Variants in GATAD2B observed in about 807,000 individuals in gnomAD.
GATAD2B encodes GATA zinc finger domain containing 2B, also known as transcriptional repressor p66-beta.
In GATAD2B, 8 loss-of-function variants were observed where a neutral mutation model predicts 64.3. The observed-to-expected ratio is 0.12, with a 90% CI of 0.07 to 0.22. GATAD2B has a LOEUF of 0.22. GATAD2B is among the 10% of genes least tolerant of loss of function. The pLI is 1.00. For synonymous variants in GATAD2B, 281 were observed against 271.3 expected (o/e 1.04, Z -0.35); for missense variants, 453 against 752.0 (o/e 0.60, Z 4.65).
At chr1:153,903,104 G>T (rs1367849126) in intron 1 of GATAD2B, among the ~76,000 whole-genome samples, 1 of 152,012 alleles carries the variant, frequency 6.6e-6, no homozygotes, top group East Asian at 1.9e-4. Flanking sequence ...TGTGGTCCCA[G>T]CTACTCGGGA....
At position 153,808,849 on chromosome 1, in the gene GATAD2B, C is replaced by CG. The variant is rs1674190448; in HGVS notation, c.*1327dup. 1.5e-5 allele frequency: 2 copies of CG among 133,298 alleles called. No individual in the cohort carries two copies. Among genetic ancestry groups the CG allele is most frequent in the East Asian group, 2.5e-4 (1 of 4,006 alleles). The allele number at this position is 133,298 out of a possible 1,614,324, so 8.3% of individuals were successfully genotyped here. A position where few individuals can be genotyped will look rare whatever the true frequency, so the allele number is the denominator to read the frequency against. On this transcript the variant is annotated 3_prime_UTR_variant, in exon 11 of 11. Coordinates refer to ENST00000368655, the MANE Select transcript of GATAD2B (RefSeq NM_020699.4). ...AAATTAATATCATTCTGGGGGCGGG[C>CG]GGGGGGCAGTGGGAAGCAACTATTT...
chr1:153,843,419 A>G (rs986692852), intron 1 of GATAD2B, among the ~76,000 whole-genome samples: 4 of 151,816 alleles, frequency 2.6e-5, no homozygotes, highest in African/African-American at 7.3e-5. Flanking sequence ...CTCAGCCACT[A>G]GAGGAGAAGC....
At chr1:153,854,199 G>A (rs1428014831) in intron 1 of GATAD2B, among the ~76,000 whole-genome samples, 1 of 152,072 alleles carries the variant, frequency 6.6e-6, no homozygotes, top group African/African-American at 2.4e-5. Context: ...TCAGGAGATC[G>A]AGACCGTCCT....
At position 153,810,291 on chromosome 1, in the gene GATAD2B, C is replaced by T; in HGVS notation, c.1668G>A (p.Leu556=). Residue 556 remains leucine, a synonymous_variant, in exon 11 of 11, where the codon TTG becomes TTA. Coordinates refer to ENST00000368655, the MANE Select transcript of GATAD2B (RefSeq NM_020699.4). ...LGMPGVNIAY[L]NTGIGGHKGP... ...CTTTGTGTCCTCCGATGCCAGTATT[C>T]AAGTATGCAATGTTGACACCTGGAC... is the stretch of plus-strand genomic sequence containing the variant. 1 of 1,613,044 alleles carries T rather than the reference C, an allele frequency of 6.2e-7. No individual in the cohort carries two copies. Among genetic ancestry groups the T allele is most frequent in the Non-Finnish European group, 8.5e-7 (1 of 1,179,718 alleles).
intron 1 of GATAD2B, among the ~76,000 whole-genome samples, chr1:153,916,303 A>G (rs1467308646): frequency 6.6e-6 from 1 of 151,594 alleles, no homozygotes; most frequent in Admixed American, 6.6e-5. Context: ...AGAAAAAGAG[A>G]GTAAGACTAT....
chr1:153,900,237 G>A (rs1557829425), intron 1 of GATAD2B, among the ~76,000 whole-genome samples: 1 of 151,986 alleles, frequency 6.6e-6, no homozygotes. Flanking sequence ...CCAATATGGT[G>A]AAACCCCATC....
chr1:153,862,275 G>T (rs553518930), intron 1 of GATAD2B, among the ~76,000 whole-genome samples: 1 of 151,146 alleles, frequency 6.6e-6, no homozygotes, highest in Admixed American at 6.6e-5. Context: ...GGCTCATGCC[G>T]TCACACCCAG....
chr1:153,892,163 CAAAAAAAAAAAAAA>C (rs900308080), intron 1 of GATAD2B, among the ~76,000 whole-genome samples: 3 of 50,336 alleles, frequency 6.0e-5, no homozygotes, highest in Non-Finnish European at 1.2e-4. Flanking sequence ...GACTCCGTCT[CAAAAAAAAAAAAAA>C]AAAAAAAAGA....
intron 1 of GATAD2B, among the ~76,000 whole-genome samples, chr1:153,844,233 G>C (rs916348151): frequency 2.6e-5 from 4 of 151,886 alleles, no homozygotes; most frequent in South Asian, 2.1e-4. Context: ...ACATATGAAA[G>C]GAATGGAGCA....
At chr1:153,900,807 A>C (rs1677744483) in intron 1 of GATAD2B, among the ~76,000 whole-genome samples, 1 of 152,252 alleles carries the variant, frequency 6.6e-6, no homozygotes, top group Non-Finnish European at 1.5e-5. Context: ...TATGAAAAAA[A>C]ATGAGCATAG....
At chr1:153,898,161 C>G (rs1487392404) in intron 1 of GATAD2B, among the ~76,000 whole-genome samples, 1 of 151,320 alleles carries the variant, frequency 6.6e-6, no homozygotes, top group Non-Finnish European at 1.5e-5. Flanking sequence ...AAAAAATTAG[C>G]CAGGTATAAC....
intron 1 of GATAD2B, among the ~76,000 whole-genome samples, chr1:153,903,205 G>C (rs946630152): frequency 6.6e-6 from 1 of 151,102 alleles, no homozygotes; most frequent in Non-Finnish European, 1.5e-5. Context: ...GCGACAGAGC[G>C]AGACTCCATC....
rs1241630220 is a variant in GATAD2B at position 153,891,645 on chromosome 1, G to A, written c.-2+31088C>T. Among the ~76,000 whole-genome samples the A allele has an allele frequency of 1.2e-4, 7 of 60,724 alleles. No homozygotes were observed. The East Asian group carries it at 2.9e-3, about 25-fold the overall frequency. 39.8% of individuals were successfully genotyped at this position (60,724 alleles called of 152,430 possible). On this transcript the variant is annotated intron_variant, in intron 1 of 10. Transcript: ENST00000368655. ...GGGAAGGAAAAAGGAGAGGGGAAGG[G>A]TAAGAGGAGGTAAGTATGGGGGGGG... is the stretch of plus-strand genomic sequence containing the variant.
chr1:153,855,183 C>T (rs1481794106), intron 1 of GATAD2B, among the ~76,000 whole-genome samples: 3 of 150,598 alleles, frequency 2.0e-5, no homozygotes, highest in Non-Finnish European at 3.0e-5. Flanking sequence ...GGAGATTGTC[C>T]GTATTTTTTT....
chr1:153,817,573 C>T, intron 5 of GATAD2B, 31 bp from the exon 6 acceptor site: 1 of 1,542,190 alleles, frequency 6.5e-7, no homozygotes, highest in Non-Finnish European at 8.8e-7. Flanking sequence ...AAGAACTAAT[C>T]ACAGGTTGTA....
intron 1 of GATAD2B, among the ~76,000 whole-genome samples, chr1:153,840,952 C>A (rs578199506): frequency 6.6e-6 from 1 of 151,732 alleles, no homozygotes; most frequent in Non-Finnish European, 1.5e-5. Context: ...GGTGAAACCC[C>A]GTCTCTACTA....
At chr1:153,863,512 GAA>G (rs61401496) in intron 1 of GATAD2B, among the ~76,000 whole-genome samples, 4 of 113,428 alleles carry the variant, frequency 3.5e-5, no homozygotes, top group Admixed American at 2.4e-4. Flanking sequence ...AAAGAAATAA[GAA>G]AAAAAAAAAA....
intron 1 of GATAD2B, among the ~76,000 whole-genome samples, chr1:153,851,775 C>T (rs941889836): frequency 1.3e-4 from 20 of 152,132 alleles, no homozygotes; most frequent in African/African-American, 4.6e-4. Context: ...TACCCCAGCC[C>T]GCATGAAGAT....
At chr1:153,831,108 A>C (rs1675065142) in intron 1 of GATAD2B, among the ~76,000 whole-genome samples, 1 of 152,198 alleles carries the variant, frequency 6.6e-6, no homozygotes, top group Non-Finnish European at 1.5e-5. Flanking sequence ...TTTTGGGTTA[A>C]TGCTTCTTAA....
Sources: allele counts gnomAD v4.1 joint callset (sites outside exome capture counted in the v4.1 genomes callset), GRCh38; gene constraint gnomAD v4.1.1; transcripts MANE v1.5; gene names NCBI Gene and HGNC (gene_info 2026-07-23, HGNC 2026-07-21).